Variants in CFAP92 observed in about 807,000 individuals in gnomAD.
CFAP92 encodes the protein cilia and flagella associated protein 92 (putative), also known as uncharacterized protein CFAP92.
CFAP92 carries 86 observed loss-of-function variants against 106.3 expected under a neutral mutation model. The ratio of observed to expected loss-of-function variants is 0.81; its 90% CI spans 0.68 to 0.97. The LOEUF (loss-of-function observed/expected upper bound fraction) is 0.97, where lower values mean the gene tolerates loss of function less well. Ranked by LOEUF, CFAP92 falls within the 50% of genes least tolerant of loss-of-function variation. CFAP92 has a pLI of 0.00. For synonymous variants in CFAP92, 477 were observed against 506.4 expected (o/e 0.94, Z 0.78); for missense variants, 1,204 against 1,283.8 (o/e 0.94, Z 0.95).
At chr3:128,940,743 A>G (rs1394766534) in intron 10 of CFAP92, among the ~76,000 whole-genome samples, 1 of 152,152 alleles carries the variant, frequency 6.6e-6, no homozygotes, top group Non-Finnish European at 1.5e-5. Context: ...CTATAGTTTT[A>G]TCATGAGTCT....
At chr3:128,912,476 A>G in intron 15 of CFAP92, 1 of 1,590,130 alleles carries the variant, frequency 6.3e-7, no homozygotes, top group Non-Finnish European at 8.6e-7. Flanking sequence ...GTGCAGAAAG[A>G]TCACCCACCA....
In CFAP92 at chr3:128,945,367, C is replaced by G; in HGVS notation, c.1962G>C (p.Gly654=). ...AGATGATGCGGCCAAACTGGGAGCC[C>G]CCAAGGTCAGGATCAGCAGCTCTGG... is the stretch of plus-strand genomic sequence containing the variant. ...AGARAADPDL[G]GSQFGRIIFV... Residue 654 remains glycine, a synonymous_variant, in exon 10 of 16, where the codon GGG becomes GGC. Transcript: ENST00000645291. 1 of 1,536,128 alleles carries G rather than the reference C, an allele frequency of 6.5e-7. No homozygotes were observed. Among genetic ancestry groups the G allele is most frequent in the Non-Finnish European group, 8.7e-7 (1 of 1,146,908 alleles).
Position 128,993,340 on chromosome 3 carries a change from G to C in CFAP92, c.-32-4C>G. On this transcript the variant is annotated splice_polypyrimidine_tract_variant and splice_region_variant and intron_variant, in intron 1 of 15. Transcript: ENST00000645291. ...GCACTGCTGGCCGCCGGCGCTCCTG[G>C]CAGGGAGAAAGTGAAGGCTGTCCCC... is the stretch of plus-strand genomic sequence containing the variant. 1 of 1,581,420 alleles carries C rather than the reference G, an allele frequency of 6.3e-7. No homozygotes were observed.
At chr3:128,925,542 G>A (rs1937588536) in intron 12 of CFAP92, among the ~76,000 whole-genome samples, 1 of 152,184 alleles carries the variant, frequency 6.6e-6, no homozygotes, top group Non-Finnish European at 1.5e-5. Flanking sequence ...TAAAAAGTAT[G>A]AGATGTATAA....
At chr3:129,001,654 A>G in intron 1 of CFAP92, 2 of 1,393,910 alleles carry the variant, frequency 1.4e-6, no homozygotes, top group East Asian at 2.9e-5. Flanking sequence ...ACGGGCGCGG[A>G]GGCCGGCATG....
chr3:129,019,011 C>CGT, the CFAP92 span, among the ~76,000 whole-genome samples: 1 of 152,182 alleles, frequency 6.6e-6, no homozygotes, highest in Non-Finnish European at 1.5e-5. Context: ...ACACCAAGTG[C>CGT]GTGTCCTCCC....
chr3:128,973,137 C>T (rs1220544107), intron 7 of CFAP92, among the ~76,000 whole-genome samples: 1 of 152,170 alleles, frequency 6.6e-6, no homozygotes, highest in Non-Finnish European at 1.5e-5. Context: ...ATATAACTGG[C>T]AATGTACAAT....
At chr3:129,025,490 A>T in the CFAP92 span, among the ~76,000 whole-genome samples, 4 of 152,206 alleles carry the variant, frequency 2.6e-5, no homozygotes, top group Non-Finnish European at 5.9e-5. Flanking sequence ...GGGTGATGTG[A>T]CGGGGACCAA....
Position 128,912,699 on chromosome 3 carries a change from A to C in CFAP92, c.3281-2366T>G, listed in dbSNP as rs367762859. 1.3e-4 allele frequency: 148 copies of C among 1,182,672 alleles called. No homozygotes were observed. The highest frequency in any genetic ancestry group is 1.7e-4 in the Non-Finnish European group (133 of 791,618). The allele number at this position is 1,182,672 out of a possible 1,614,324, so 73.3% of individuals were successfully genotyped here. A position where few individuals can be genotyped will look rare whatever the true frequency, so the allele number is the denominator to read the frequency against. ...TCTTTTTTCAGAAGGTGTTGGGATT[A>C]TCACAGGTTAAGCCTTTTGTTCCCC... is the stretch of plus-strand genomic sequence containing the variant. On this transcript the variant is annotated intron_variant, in intron 15 of 15. Transcript: ENST00000645291.
At chr3:128,987,953 C>G in intron 3 of CFAP92, 124 bp from the exon 4 acceptor site, 2 of 731,240 alleles carry the variant, frequency 2.7e-6, no homozygotes, top group Non-Finnish European at 4.4e-6. Flanking sequence ...AGTGCCTGGT[C>G]ACTCTCCAGG....
intron 9 of CFAP92, among the ~76,000 whole-genome samples, chr3:128,946,364 T>C (rs1940218563): frequency 1.3e-5 from 2 of 152,056 alleles, no homozygotes; most frequent in South Asian, 4.2e-4. Context: ...GTTTTCCAAA[T>C]ATATATCTGG....
At chr3:128,996,262 T>C (rs183681972), upstream of CFAP92, among the ~76,000 whole-genome samples, 49 of 152,308 alleles carry the variant, frequency 3.2e-4, no homozygotes, top group South Asian at 1.0e-3. Flanking sequence ...CTGGCTGACA[T>C]TGAGGAACAG....
rs1052796324 is a variant in CFAP92 at position 128,911,294 on chromosome 3, G to A, written c.3281-961C>T. Among the ~76,000 whole-genome samples, 42 of 152,254 alleles carry A rather than the reference G, an allele frequency of 2.8e-4. 1 individual carries two copies. The highest frequency in any genetic ancestry group is 5.3e-4 in the Non-Finnish European group (36 of 68,026). On this transcript the variant is annotated intron_variant, in intron 15 of 15. Transcript: ENST00000645291. ...GCTGGTCTCCAACTCCTGACCTCAG[G>A]TGATCTGCCTGCCTCAGCCTCCAAA...
rs1237384835 is a variant in CFAP92 at position 128,965,734 on chromosome 3, A to T, written c.1169-39T>A. ...ACCCAGCATTAGACCTTTCCTCCCG[A>T]CACCCCCAAGACACGCACAGAGGGA... On this transcript the variant is annotated intron_variant, in intron 8 of 15. Coordinates refer to ENST00000645291, the MANE Select transcript of CFAP92 (RefSeq NM_001394090.1). 3.8e-5 allele frequency: 15 copies of T among 398,310 alleles called. No individual in the cohort carries two copies. The Admixed American group carries it at 6.6e-4, about 18-fold the overall frequency. The allele number at this position is 398,310 out of a possible 1,614,324, so 24.7% of individuals were successfully genotyped here.
At chr3:129,022,970 A>G in the CFAP92 span, among the ~76,000 whole-genome samples, 1 of 152,246 alleles carries the variant, frequency 6.6e-6, no homozygotes, top group Non-Finnish European at 1.5e-5. Context: ...CACAGTTGCT[A>G]GCCTCTCTTG....
the CFAP92 span, among the ~76,000 whole-genome samples, chr3:129,013,665 T>G: frequency 6.6e-6 from 1 of 152,108 alleles, no homozygotes; most frequent in African/African-American, 2.4e-5. Flanking sequence ...ACCAGGGAAA[T>G]GGAGCATGCT....
intron 1 of CFAP92, chr3:129,001,724 C>T: frequency 6.6e-7 from 1 of 1,520,400 alleles, no homozygotes; most frequent in Non-Finnish European, 8.8e-7. Flanking sequence ...GGCTGCTGAG[C>T]GCCCTGGCGC....
chr3:128,910,690 G>C (rs758578580), intron 15 of CFAP92: 3 of 1,604,462 alleles, frequency 1.9e-6, no homozygotes, highest in Non-Finnish European at 1.7e-6. Flanking sequence ...GAAGCTCAGA[G>C]GTCTGATTCC....
chr3:129,017,586 T>C, the CFAP92 span, among the ~76,000 whole-genome samples: 1 of 152,166 alleles, frequency 6.6e-6, no homozygotes, highest in Non-Finnish European at 1.5e-5. Flanking sequence ...CTGGGGTTGC[T>C]CTCTGCATTC....
Sources: gnomAD v4.1 joint callset for allele counts (sites outside exome capture counted in the v4.1 genomes callset) on GRCh38, gnomAD v4.1.1 for gene constraint, MANE v1.5 for transcripts, NCBI Gene and HGNC (gene_info 2026-07-23, HGNC 2026-07-21) for gene names.